Variants in B3GALT1 observed in about 807,000 individuals in gnomAD.
B3GALT1 encodes the protein UDP-Gal:betaGlcNAc beta 1,3-galactosyltransferase, polypeptide 1.
A neutral mutation model predicts 23.2 loss-of-function variants in B3GALT1; 10 were observed. The observed-to-expected ratio is 0.43, with a 90% CI of 0.27 to 0.73. The LOEUF (loss-of-function observed/expected upper bound fraction) is 0.73, where lower values mean the gene tolerates loss of function less well. Among genes scored for constraint, B3GALT1 ranks in the 30% least tolerant of loss-of-function variants. The pLI is 0.21. For synonymous variants in B3GALT1, 156 were observed against 141.5 expected (o/e 1.10, Z -0.73); for missense variants, 299 against 405.4 (o/e 0.74, Z 2.25).
intron 1 of B3GALT1, among the ~76,000 whole-genome samples, chr2:167,474,325 T>G (rs1471389282): frequency 6.6e-6 from 1 of 152,226 alleles, no homozygotes; most frequent in Non-Finnish European, 1.5e-5. Flanking sequence ...TTGATCCATT[T>G]AGCACATTTA....
chr2:167,301,700 G>A (rs1465447335), intron 1 of B3GALT1, among the ~76,000 whole-genome samples: 2 of 152,090 alleles, frequency 1.3e-5, no homozygotes, highest in African/African-American at 4.8e-5. Flanking sequence ...ATAGGCATCC[G>A]CCACCACACC....
At chr2:167,367,801 A>G (rs1479969733) in intron 1 of B3GALT1, among the ~76,000 whole-genome samples, 3 of 152,204 alleles carry the variant, frequency 2.0e-5, no homozygotes, top group Non-Finnish European at 4.4e-5. Context: ...CCTTCATGGG[A>G]TATTTATCAA....
At chr2:167,825,734 T>A (rs1689208565) in intron 4 of B3GALT1, among the ~76,000 whole-genome samples, 1 of 152,124 alleles carries the variant, frequency 6.6e-6, no homozygotes, top group Admixed American at 6.5e-5. Context: ...ACTGTGATTG[T>A]GCATCTGCCC....
At chr2:167,693,140 C>T (rs1172052268) in intron 3 of B3GALT1, among the ~76,000 whole-genome samples, 1 of 151,774 alleles carries the variant, frequency 6.6e-6, no homozygotes, top group Non-Finnish European at 1.5e-5. Flanking sequence ...CACAAGAGTG[C>T]CCAAGGTCCC....
At chr2:167,706,691 G>A (rs1686971791) in intron 3 of B3GALT1, among the ~76,000 whole-genome samples, 1 of 152,200 alleles carries the variant, frequency 6.6e-6, no homozygotes, top group Non-Finnish European at 1.5e-5. Flanking sequence ...AAGTACACAT[G>A]GAATATCCCC....
chr2:167,467,726 T>G (rs1368316960), intron 1 of B3GALT1, among the ~76,000 whole-genome samples: 2 of 152,194 alleles, frequency 1.3e-5, no homozygotes, highest in Admixed American at 6.5e-5. Flanking sequence ...AATCAATCAA[T>G]CAAGCAAATT....
At chr2:167,574,211 C>T (rs1245427846) in intron 2 of B3GALT1, among the ~76,000 whole-genome samples, 3 of 151,806 alleles carry the variant, frequency 2.0e-5, no homozygotes, top group African/African-American at 7.2e-5. Context: ...AGGGCATTTG[C>T]ATTCAAATGA....
intron 2 of B3GALT1, among the ~76,000 whole-genome samples, chr2:167,607,430 G>C (rs1684984572): frequency 1.3e-5 from 2 of 152,128 alleles, no homozygotes. Flanking sequence ...CAATTAGTCA[G>C]AACTCAATCA....
chr2:167,410,927 A>G (rs1698380793), intron 1 of B3GALT1, among the ~76,000 whole-genome samples: 1 of 152,084 alleles, frequency 6.6e-6, no homozygotes, highest in Admixed American at 6.5e-5. Flanking sequence ...TGAGGTTCTT[A>G]ATAGACCTAA....
At chr2:167,321,156 AC>A (rs760759892) in intron 1 of B3GALT1, among the ~76,000 whole-genome samples, 2 of 152,014 alleles carry the variant, frequency 1.3e-5, no homozygotes, top group South Asian at 2.1e-4. Context: ...TGATAATATG[AC>A]CCCCCAATCT....
chr2:167,652,664 C>A (rs1256627424), intron 3 of B3GALT1, among the ~76,000 whole-genome samples: 1 of 151,974 alleles, frequency 6.6e-6, no homozygotes, highest in African/African-American at 2.4e-5. Flanking sequence ...CTTATGGTGC[C>A]CTTATTACAT....
chr2:167,484,653 C>G (rs1467832634), intron 1 of B3GALT1, among the ~76,000 whole-genome samples: 2 of 152,082 alleles, frequency 1.3e-5, no homozygotes, highest in Non-Finnish European at 2.9e-5. Context: ...TTGTGGAGAC[C>G]AAGGTTCTAT....
At chr2:167,858,343 GTAAAAAAAAAAAAAAA>G (rs1690037705) in intron 4 of B3GALT1, among the ~76,000 whole-genome samples, 7 of 111,790 alleles carry the variant, frequency 6.3e-5, no homozygotes, top group African/African-American at 2.4e-4. Flanking sequence ...CAAGAGCGAA[GTAAAAAAAAAAAAAAA>G]AAAAACTGCT....
At chr2:167,394,910 C>T (rs181553456) in intron 1 of B3GALT1, among the ~76,000 whole-genome samples, 2 of 152,238 alleles carry the variant, frequency 1.3e-5, no homozygotes, top group African/African-American at 4.8e-5. Context: ...TTATCTTATG[C>T]GTTCCACCAT....
chr2:167,503,021 A>C (rs191395840), intron 2 of B3GALT1, among the ~76,000 whole-genome samples: 330 of 152,292 alleles, frequency 2.2e-3, no homozygotes, highest in Middle Eastern at 0.01. Context: ...CCTGGGTGAC[A>C]AGAGCAAAAC....
intron 1 of B3GALT1, among the ~76,000 whole-genome samples, chr2:167,322,819 A>G (rs1489959882): frequency 6.6e-6 from 1 of 152,034 alleles, no homozygotes; most frequent in Non-Finnish European, 1.5e-5. Flanking sequence ...TTGATTTTAA[A>G]CTTATAATTT....
intron 3 of B3GALT1, among the ~76,000 whole-genome samples, chr2:167,700,652 G>C (rs1333174246): frequency 1.3e-5 from 2 of 152,166 alleles, no homozygotes; most frequent in African/African-American, 2.4e-5. Flanking sequence ...TTTCAGAAAA[G>C]CATATTGGAT....
intron 2 of B3GALT1, among the ~76,000 whole-genome samples, chr2:167,580,206 G>A (rs1684458999): frequency 6.6e-6 from 1 of 152,022 alleles, no homozygotes; most frequent in African/African-American, 2.4e-5. Flanking sequence ...ATTAAATAGG[G>A]CATTAAACTT....
intron 2 of B3GALT1, among the ~76,000 whole-genome samples, chr2:167,633,036 C>A (rs896896359): frequency 6.6e-6 from 1 of 151,878 alleles, no homozygotes; most frequent in African/African-American, 2.4e-5. Flanking sequence ...TTTCCCAACA[C>A]CATTTATTAA....
Sources: gnomAD v4.1 joint callset for allele counts (sites outside exome capture counted in the v4.1 genomes callset) on GRCh38, gnomAD v4.1.1 for gene constraint, MANE v1.5 for transcripts, NCBI Gene and HGNC (gene_info 2026-07-23, HGNC 2026-07-21) for gene names.